CPEB4: variants seen among roughly 807,000 people sequenced by gnomAD.
The protein encoded by CPEB4 is cytoplasmic polyadenylation element binding protein 4, also known as cytoplasmic polyadenylation element-binding protein 4.
A neutral mutation model predicts 72.5 loss-of-function variants in CPEB4; 12 were observed. The ratio of observed to expected loss-of-function variants is 0.17; its 90% CI spans 0.11 to 0.27. The LOEUF (loss-of-function observed/expected upper bound fraction) is 0.27. CPEB4 is among the 10% of genes least tolerant of loss of function. The probability of loss-of-function intolerance (pLI) is 1.00; values close to 1 mark genes in which losing one functional copy is unlikely to be tolerated. For missense variants in CPEB4, 614 were observed against 908.5 expected, an observed-to-expected ratio of 0.68 and a Z score of 4.17; for synonymous variants, 302 against 326.3, an observed-to-expected ratio of 0.93 and a Z score of 0.80.
intron 1 of CPEB4, among the ~76,000 whole-genome samples, chr5:173,896,157 T>G (rs1358816820): frequency 6.6e-6 from 1 of 152,240 alleles, no homozygotes; most frequent in South Asian, 2.1e-4. Context: ...CGCTGTCATA[T>G]TTTTTCAGCG....
chr5:173,896,924 A>G (rs934486900), intron 1 of CPEB4, among the ~76,000 whole-genome samples: 1 of 152,192 alleles, frequency 6.6e-6, no homozygotes, highest in African/African-American at 2.4e-5. Context: ...TTTTTCTAAA[A>G]TATGATAATA....
At chr5:173,949,631 TA>T (rs958831572) in intron 6 of CPEB4, 34 bp downstream of exon 6, 1 of 1,391,856 alleles carries the variant, frequency 7.2e-7, no homozygotes, top group African/African-American at 1.4e-5. Context: ...TTATGTAATT[TA>T]TTCTTACATT....
intron 1 of CPEB4, among the ~76,000 whole-genome samples, chr5:173,893,839 C>A (rs889949419): frequency 2.0e-5 from 3 of 152,090 alleles, no homozygotes; most frequent in African/African-American, 4.8e-5. Context: ...AAATTAATAA[C>A]CTTTTAAATT....
chr5:173,888,413 T>TGGCGGCGGCGGC lies in CPEB4; in HGVS notation c.-1314_-1303dup, dbSNP rs547833435. The TGGCGGCGGCGGC allele has an allele frequency of 1.8e-5, 8 of 443,918 alleles. No homozygotes were observed. The highest frequency in any genetic ancestry group is 6.9e-5 in the East Asian group (2 of 28,808). 27.5% of individuals were successfully genotyped at this position (443,918 alleles called of 1,614,324 possible). ...GCGGGACCCGGGCACCGGGAGGCGG[T>TGGCGGCGGCGGC]GGCGGCGGCGGCGGCGGCAGCAGCG... On this transcript the variant is annotated 5_prime_UTR_variant, in exon 1 of 10. Coordinates refer to ENST00000265085, the MANE Select transcript of CPEB4 (RefSeq NM_030627.4). This position sits in a 1 kb window ranked among gnomAD's most constrained non-coding sequence, Gnocchi z 4.3.
chr5:173,944,099 A>G (rs1469412969), intron 4 of CPEB4, among the ~76,000 whole-genome samples: 1 of 152,170 alleles, frequency 6.6e-6, no homozygotes, highest in Non-Finnish European at 1.5e-5. Flanking sequence ...GGACGATAAG[A>G]TTTTCAAACA....
intron 2 of CPEB4, among the ~76,000 whole-genome samples, chr5:173,912,918 CAAAAAAAAA>C (rs397959791): frequency 1.1e-5 from 1 of 88,984 alleles, no homozygotes; most frequent in South Asian, 3.3e-4. Flanking sequence ...GACCCTGTCT[CAAAAAAAAA>C]AAAAAAAAAA....
At chr5:173,903,425 A>C (rs1344277660) in intron 1 of CPEB4, among the ~76,000 whole-genome samples, 1 of 152,224 alleles carries the variant, frequency 6.6e-6, no homozygotes, top group East Asian at 1.9e-4. Flanking sequence ...TAATGAAGTT[A>C]ACCTGTTGAA....
chr5:173,917,981 G>A (rs1756935670), intron 2 of CPEB4, among the ~76,000 whole-genome samples: 2 of 152,216 alleles, frequency 1.3e-5, no homozygotes, highest in African/African-American at 2.4e-5. Flanking sequence ...GTAATTCAAA[G>A]TAGCGTAACA....
chr5:173,898,016 GAA>G (rs1170168122), intron 1 of CPEB4, among the ~76,000 whole-genome samples: 1 of 152,112 alleles, frequency 6.6e-6, no homozygotes, highest in Non-Finnish European at 1.5e-5. Context: ...TTTACAAATG[GAA>G]TTATTCAAGT....
In CPEB4 at chr5:173,950,653, G is replaced by A. The variant is rs1758186606; in HGVS notation, c.1665+575G>A. ...TAAAATAAAAAACCAGACTTCATTT[G>A]ATAATGCATTTAATAAAATAGCAGA... On this transcript the variant is annotated intron_variant, in intron 7 of 9. Transcript: ENST00000265085. This position sits in a 1 kb window ranked among gnomAD's most constrained non-coding sequence, Gnocchi z 5.0. Among the ~76,000 whole-genome samples, 2 of 152,010 alleles carry A rather than the reference G, an allele frequency of 1.3e-5. No homozygotes were observed.
At chr5:173,912,612 T>C (rs1756701548) in intron 2 of CPEB4, among the ~76,000 whole-genome samples, 1 of 151,202 alleles carries the variant, frequency 6.6e-6, no homozygotes, top group African/African-American at 2.4e-5. Flanking sequence ...ACCCTGTCTT[T>C]ATATAATAAA....
At chr5:173,944,273 A>G (rs1241131271) in intron 4 of CPEB4, among the ~76,000 whole-genome samples, 2 of 152,148 alleles carry the variant, frequency 1.3e-5, no homozygotes, top group African/African-American at 2.4e-5. Context: ...ATTATATCCC[A>G]TTAGTTAAGG....
chr5:173,908,440 T>C (rs1465246989), intron 1 of CPEB4, among the ~76,000 whole-genome samples: 2 of 152,150 alleles, frequency 1.3e-5, no homozygotes, highest in East Asian at 1.9e-4. Flanking sequence ...TTCCCACCCC[T>C]GGGGGAAAAC....
At chr5:173,898,236 A>G (rs1756096582) in intron 1 of CPEB4, among the ~76,000 whole-genome samples, 1 of 152,182 alleles carries the variant, frequency 6.6e-6, no homozygotes. Context: ...TCTTCCAGGT[A>G]TTCTTGAGGA....
chr5:173,898,591 G>A lies in CPEB4; in HGVS notation c.1125+7733G>A, dbSNP rs576990193. Among the ~76,000 whole-genome samples the A allele has an allele frequency of 1.9e-3, 284 of 152,280 alleles. 1 individual carries two copies. Among genetic ancestry groups the A allele is most frequent in the African/African-American group, 6.2e-3 (259 of 41,566 alleles). On this transcript the variant is annotated intron_variant, in intron 1 of 9. Coordinates refer to ENST00000265085, the MANE Select transcript of CPEB4 (RefSeq NM_030627.4). ...TTTTAAGAAAGCAACTCATCAAACA[G>A]AAATATTAAGTCAAAGTTTTATTCA...
rs1042524611 is a variant in CPEB4, at chr5:173,888,429, G to GGCA, written c.-1299_-1297dup. 10 of 457,870 alleles carry GGCA rather than the reference G, an allele frequency of 2.2e-5. No homozygotes were observed. Among genetic ancestry groups the GGCA allele is most frequent in the South Asian group, 1.1e-4 (2 of 18,784 alleles). The allele number at this position is 457,870 out of a possible 1,614,324, so 28.4% of individuals were successfully genotyped here. A position where few individuals can be genotyped will look rare whatever the true frequency, so the allele number is the denominator to read the frequency against. ...GGGAGGCGGTGGCGGCGGCGGCGGC[G>GGCA]GCAGCAGCGGCGACAGCAGAGGAGG... On this transcript the variant is annotated 5_prime_UTR_variant, in exon 1 of 10. Transcript: ENST00000265085. This position sits in a 1 kb window ranked among gnomAD's most constrained non-coding sequence, Gnocchi z 4.3.
chr5:173,936,019 A>G (rs1160328581), intron 3 of CPEB4, among the ~76,000 whole-genome samples: 1 of 152,180 alleles, frequency 6.6e-6, no homozygotes, highest in Non-Finnish European at 1.5e-5. Context: ...TACAATTCAC[A>G]CTCTAGGGAA....
In CPEB4 at chr5:173,938,484, C is replaced by T. The variant is rs143601955; in HGVS notation, c.1259-4542C>T. Among the ~76,000 whole-genome samples, 3 of 151,986 alleles carry T rather than the reference C, an allele frequency of 2.0e-5. No individual in the cohort carries two copies. The East Asian group carries it at 5.8e-4, about 29-fold the overall frequency. On this transcript the variant is annotated intron_variant, in intron 3 of 9. Transcript: ENST00000265085. ...CAAATGATCTGCCCACCTCAACCTC[C>T]CAAAGTGCTGGGGTTATAGGTGTTA...
At chr5:173,917,650 T>C (rs957329175) in intron 2 of CPEB4, among the ~76,000 whole-genome samples, 1 of 152,198 alleles carries the variant, frequency 6.6e-6, no homozygotes, top group African/African-American at 2.4e-5. Flanking sequence ...CGCTTGAACC[T>C]GGCAGGCGGA....
Sources: gnomAD v4.1 joint callset for allele counts (sites outside exome capture counted in the v4.1 genomes callset) on GRCh38, gnomAD v4.1.1 for gene constraint, Gnocchi (gnomAD v3.1) non-coding constraint, MANE v1.5 for transcripts, NCBI Gene and HGNC (gene_info 2026-07-23, HGNC 2026-07-21) for gene names.